The following GRID2 variants were observed in gnomAD, a reference collection of about 807,000 sequenced individuals.
The protein encoded by GRID2 is glutamate ionotropic receptor delta type subunit 2.
Under a neutral mutation model 114.8 loss-of-function variants are expected in GRID2, and 33 were observed. That is an observed-to-expected ratio of 0.29 (90% CI 0.22 to 0.38). GRID2 has a LOEUF of 0.38. GRID2 is among the 10% of genes least tolerant of loss of function. GRID2 has a pLI of 1.00. For missense variants in GRID2, 1,184 were observed against 1,257.7 expected, an observed-to-expected ratio of 0.94 and a Z score of 0.89; for synonymous variants, 505 against 449.9, an observed-to-expected ratio of 1.12 and a Z score of -1.55.
rs374222552 is a variant in GRID2 at position 93,764,937 on chromosome 4, G to GCA, written c.2361-4261_2361-4260dup. 3.6e-3 allele frequency among the ~76,000 whole-genome samples: 544 copies of GCA among 151,528 alleles called. 3 individuals carry two copies. Among genetic ancestry groups the GCA allele is most frequent in the African/African-American group, 0.013 (522 of 41,334 alleles). ...AATTTTTGCATTGTCATACATACGC[G>GCA]CACACACACACACTCGCACACATAC... On this transcript the variant is annotated intron_variant, in intron 14 of 15. Coordinates refer to ENST00000282020, the MANE Select transcript of GRID2 (RefSeq NM_001510.4).
chr4:92,305,760 A>G (rs1409374023), intron 1 of GRID2, among the ~76,000 whole-genome samples: 1 of 151,876 alleles, frequency 6.6e-6, no homozygotes, highest in Non-Finnish European at 1.5e-5. Context: ...CTCCAACTCT[A>G]CTCACTTGCT....
At chr4:92,625,968 T>G (rs1448852226) in intron 2 of GRID2, among the ~76,000 whole-genome samples, 1 of 152,024 alleles carries the variant, frequency 6.6e-6, no homozygotes, top group African/African-American at 2.4e-5. Flanking sequence ...AATTCTGTTT[T>G]ACAGGATTAT....
At chr4:92,483,788 A>G (rs1722730560) in intron 1 of GRID2, among the ~76,000 whole-genome samples, 1 of 152,196 alleles carries the variant, frequency 6.6e-6, no homozygotes, top group African/African-American at 2.4e-5. Flanking sequence ...GGAGGTAAAC[A>G]AGCAACAGAA....
chr4:93,024,446 C>T (rs767363599), intron 2 of GRID2, among the ~76,000 whole-genome samples: 7 of 151,586 alleles, frequency 4.6e-5, no homozygotes, highest in Non-Finnish European at 1.0e-4. Context: ...TTATTGACTT[C>T]TAGAGATTTA....
intron 1 of GRID2, among the ~76,000 whole-genome samples, chr4:92,569,951 C>T (rs562747440): frequency 3.9e-5 from 6 of 152,178 alleles, no homozygotes; most frequent in South Asian, 2.1e-4. Flanking sequence ...TGTGCAGAAG[C>T]GCTTTAGTTT....
chr4:93,075,848 T>C, intron 2 of GRID2, among the ~76,000 whole-genome samples: 1 of 146,714 alleles, frequency 6.8e-6, no homozygotes, highest in Non-Finnish European at 1.5e-5. Context: ...TGAATTGGAA[T>C]ACTCAGTAAG....
chr4:92,585,980 A>C (rs1356842498), intron 1 of GRID2, among the ~76,000 whole-genome samples: 1 of 151,730 alleles, frequency 6.6e-6, no homozygotes, highest in African/African-American at 2.4e-5. Context: ...CATACATCTG[A>C]ATTTAGGTAT....
chr4:93,651,337 G>C (rs1722561944), intron 14 of GRID2, among the ~76,000 whole-genome samples: 1 of 152,136 alleles, frequency 6.6e-6, no homozygotes, highest in Non-Finnish European at 1.5e-5. Context: ...GATAACATAG[G>C]ATTTAAAATT....
chr4:92,808,850 G>A (rs937926152), intron 2 of GRID2, among the ~76,000 whole-genome samples: 8 of 151,128 alleles, frequency 5.3e-5, no homozygotes, highest in Non-Finnish European at 8.8e-5. Flanking sequence ...TATATTCTCA[G>A]TTGGATAAAA....
chr4:93,600,774 A>G (rs2149639229), intron 13 of GRID2, among the ~76,000 whole-genome samples: 1 of 152,316 alleles, frequency 6.6e-6, no homozygotes, highest in Non-Finnish European at 1.5e-5. Flanking sequence ...AAGCAACCCA[A>G]ACGTCCAACA....
At chr4:93,021,649 AT>A (rs1723339216) in intron 2 of GRID2, among the ~76,000 whole-genome samples, 1 of 145,088 alleles carries the variant, frequency 6.9e-6, no homozygotes, top group Non-Finnish European at 1.5e-5. Context: ...TATAAATATA[AT>A]TATTTATAAT....
intron 1 of GRID2, among the ~76,000 whole-genome samples, chr4:92,359,782 A>C (rs1728525125): frequency 6.6e-6 from 1 of 151,888 alleles, no homozygotes; most frequent in Admixed American, 6.6e-5. Flanking sequence ...CTAGTTGCCA[A>C]CTCAATGAAA....
chr4:92,802,476 G>T (rs1294431292), intron 2 of GRID2, among the ~76,000 whole-genome samples: 5 of 151,178 alleles, frequency 3.3e-5, no homozygotes, highest in Non-Finnish European at 5.9e-5. Flanking sequence ...CCAGCCCTTT[G>T]CTAGTTGTAC....
intron 14 of GRID2, among the ~76,000 whole-genome samples, chr4:93,766,958 A>C (rs1162270787): frequency 6.6e-6 from 1 of 152,200 alleles, no homozygotes; most frequent in African/African-American, 2.4e-5. Flanking sequence ...CAATACCAAC[A>C]TCATTTAAAT....
chr4:92,824,525 A>G (rs1741551937), intron 2 of GRID2, among the ~76,000 whole-genome samples: 1 of 152,054 alleles, frequency 6.6e-6, no homozygotes, highest in Non-Finnish European at 1.5e-5. Context: ...GTTTCTGAAA[A>G]TAAACTTTTA....
At chr4:92,439,001 A>AC (rs1194239933) in intron 1 of GRID2, among the ~76,000 whole-genome samples, 1 of 152,210 alleles carries the variant, frequency 6.6e-6, no homozygotes, top group African/African-American at 2.4e-5. Flanking sequence ...TTGTGTGAGC[A>AC]ACATGGCTGT....
chr4:92,335,648 A>G (rs1208691118), intron 1 of GRID2, among the ~76,000 whole-genome samples: 3 of 152,246 alleles, frequency 2.0e-5, no homozygotes, highest in African/African-American at 7.2e-5. Flanking sequence ...AGTCTAAAGT[A>G]TACAATAAAA....
intron 2 of GRID2, among the ~76,000 whole-genome samples, chr4:93,080,025 G>C (rs901113582): frequency 6.6e-6 from 1 of 152,026 alleles, no homozygotes; most frequent in Non-Finnish European, 1.5e-5. Context: ...GGAAGAATTT[G>C]TTCCAGATGA....
chr4:93,516,741 G>T (rs1729769661), intron 13 of GRID2, among the ~76,000 whole-genome samples: 1 of 151,972 alleles, frequency 6.6e-6, no homozygotes, highest in Admixed American at 6.6e-5. Context: ...GGCTTACTGG[G>T]TACTCATAGC....
Sources: allele counts gnomAD v4.1 joint callset (sites outside exome capture counted in the v4.1 genomes callset), GRCh38; gene constraint gnomAD v4.1.1; transcripts MANE v1.5; gene names NCBI Gene and HGNC (gene_info 2026-07-23, HGNC 2026-07-21).